The following ATXN2 variants were observed in gnomAD, a reference collection of about 807,000 sequenced individuals.
ATXN2 encodes ataxin-2.
A neutral mutation model predicts 138.6 loss-of-function variants in ATXN2; 37 were observed. The ratio of observed to expected loss-of-function variants is 0.27; its 90% CI spans 0.21 to 0.35. The LOEUF is 0.35. Among genes scored for constraint, ATXN2 ranks in the 10% least tolerant of loss-of-function variants. The pLI is 1.00. For synonymous variants in ATXN2, 549 were observed against 543.7 expected (o/e 1.01, Z -0.13); for missense variants, 1,216 against 1,480.3 (o/e 0.82, Z 2.93).
chr12:111,494,521 G>C (rs996457405), intron 14 of ATXN2, among the ~76,000 whole-genome samples: 1 of 151,562 alleles, frequency 6.6e-6, no homozygotes, highest in African/African-American at 2.4e-5. Flanking sequence ...TGCCTCCTGG[G>C]TTCAAGCAAT....
rs1190797776 is a variant in ATXN2 at position 111,520,903 on chromosome 12, T to C, written c.767A>G (p.Asp256Gly). Residue 256 changes from aspartate to glycine, a missense_variant, in exon 7 of 25, where the codon GAT becomes GGT. Around this residue, in one of 4 missense-constraint regions of ATXN2, gnomAD observed 401 missense variants for 528.1 expected, o/e 0.76. Coordinates refer to ENST00000673436, the MANE Select transcript of ATXN2 (RefSeq NM_001372574.1). Reference protein sequence around the residue: ...EENYGVVSTYDSSLSSYTVPL... With the variant: ...EENYGVVSTYGSSLSSYTVPL... ...TTACGTATACGAAGATAAACTGCTA[T>C]CATACGTAGACACTACACCATAATT... The C allele has an allele frequency of 6.3e-7, 1 of 1,588,964 alleles. No individual in the cohort carries two copies. The highest frequency in any genetic ancestry group is 8.6e-7 in the Non-Finnish European group (1 of 1,165,648).
intron 5 of ATXN2, among the ~76,000 whole-genome samples, chr12:111,534,342 G>A (rs1018753623): frequency 3.3e-5 from 5 of 151,706 alleles, no homozygotes; most frequent in African/African-American, 4.8e-5. Context: ...AGGAGGTTGC[G>A]GTGAGCCAAG....
intron 2 of ATXN2, among the ~76,000 whole-genome samples, chr12:111,555,332 GT>G (rs1341410725): frequency 1.3e-5 from 2 of 152,072 alleles, no homozygotes; most frequent in East Asian, 3.9e-4. Flanking sequence ...AAATGATATG[GT>G]TTGGTTCTGT....
At chr12:111,466,118 A>G (rs965915976) in intron 20 of ATXN2, among the ~76,000 whole-genome samples, 1 of 151,398 alleles carries the variant, frequency 6.6e-6, no homozygotes, top group African/African-American at 2.4e-5. Context: ...GGGAGCTGAG[A>G]TCGCGCCACT....
At chr12:111,479,219 T>C (rs1877037189) in intron 18 of ATXN2, 3 of 286,234 alleles carry the variant, frequency 1.0e-5, no homozygotes, top group African/African-American at 2.2e-5. Flanking sequence ...GTAAATTAAC[T>C]GTGGTATAAT....
At chr12:111,534,003 TAAGAGAAAAAAA>T (rs1253230347) in intron 5 of ATXN2, among the ~76,000 whole-genome samples, 3 of 151,314 alleles carry the variant, frequency 2.0e-5, no homozygotes, top group Non-Finnish European at 4.4e-5. Flanking sequence ...CATGCCTATG[TAAGAGAAAAAAA>T]AACAGTTATT....
chr12:111,554,255 G>A (rs758820660), intron 2 of ATXN2, 38 bp from the exon 3 acceptor site: 5 of 1,276,014 alleles, frequency 3.9e-6, no homozygotes, highest in Non-Finnish European at 5.2e-6. Flanking sequence ...TTAGAAATTA[G>A]TACAAACTGA....
At chr12:111,566,682 G>A (rs904289852) in intron 1 of ATXN2, among the ~76,000 whole-genome samples, 2 of 150,856 alleles carry the variant, frequency 1.3e-5, no homozygotes, top group African/African-American at 4.9e-5. Context: ...TGTTGCCCAG[G>A]CTGGAGTGCA....
chr12:111,596,027 G>A (rs1039727915), intron 1 of ATXN2, among the ~76,000 whole-genome samples: 4 of 152,032 alleles, frequency 2.6e-5, no homozygotes, highest in African/African-American at 4.8e-5. Flanking sequence ...GCAAAATCCC[G>A]TCCTCACTAA....
At chr12:111,512,975 G>C in intron 11 of ATXN2, 1 of 171,846 alleles carries the variant, frequency 5.8e-6, no homozygotes, top group Non-Finnish European at 1.2e-5. Flanking sequence ...AAGGAAATAC[G>C]GTCCCTCCAA....
intron 8 of ATXN2, 45 bp from the exon 9 acceptor site, chr12:111,518,472 C>T (rs188956462): frequency 3.3e-6 from 5 of 1,535,086 alleles, no homozygotes; most frequent in Middle Eastern, 1.7e-4. Context: ...TAAAAGGTAC[C>T]AAGCCAATGA....
At chr12:111,497,647 C>T (rs145580348) in intron 14 of ATXN2, among the ~76,000 whole-genome samples, 9 of 151,200 alleles carry the variant, frequency 6.0e-5, no homozygotes, top group African/African-American at 2.2e-4. Context: ...ATTATTTATA[C>T]TGTGTATGAT....
chr12:111,498,810 A>G (rs1878583339), intron 14 of ATXN2, among the ~76,000 whole-genome samples: 1 of 152,168 alleles, frequency 6.6e-6, no homozygotes, highest in African/African-American at 2.4e-5. Context: ...CTGACTTCAA[A>G]TTATTGTAAC....
intron 18 of ATXN2, 176 bp downstream of exon 18, chr12:111,485,089 C>T: frequency 1.8e-6 from 1 of 559,102 alleles, no homozygotes; most frequent in Non-Finnish European, 3.2e-6. Flanking sequence ...TTTTTCTCCC[C>T]TGTTTTTCTT....
intron 1 of ATXN2, among the ~76,000 whole-genome samples, chr12:111,575,699 A>G (rs1178990403): frequency 1.3e-5 from 2 of 152,202 alleles, no homozygotes; most frequent in African/African-American, 4.8e-5. Flanking sequence ...AGGTACTCCA[A>G]AAATAAAAAA....
At chr12:111,510,330 C>T in intron 12 of ATXN2, 55 bp downstream of exon 12, 1 of 1,556,730 alleles carries the variant, frequency 6.4e-7, no homozygotes, top group East Asian at 2.2e-5. Context: ...ATATCACCCT[C>T]TAACATTCAA....
chr12:111,573,447 C>T (rs1485973359), intron 1 of ATXN2, among the ~76,000 whole-genome samples: 6 of 152,188 alleles, frequency 3.9e-5, no homozygotes, highest in Non-Finnish European at 5.9e-5. Flanking sequence ...CCACACGCCT[C>T]GGCCTCCCAA....
chr12:111,573,305 T>G (rs1883446851), intron 1 of ATXN2, among the ~76,000 whole-genome samples: 1 of 152,126 alleles, frequency 6.6e-6, no homozygotes, highest in Admixed American at 6.6e-5. Context: ...CGATTCTCCT[T>G]GCCTCAGCCT....
chr12:111,560,716 CAG>C (rs1360766271), intron 1 of ATXN2, among the ~76,000 whole-genome samples: 1 of 150,296 alleles, frequency 6.7e-6, no homozygotes, highest in Admixed American at 6.6e-5. Context: ...ATGAGGTATC[CAG>C]AGTTACTACA....
Sources: gnomAD v4.1 joint callset for allele counts (sites outside exome capture counted in the v4.1 genomes callset) on GRCh38, gnomAD v4.1.1 for gene constraint, gnomAD v4.1.1 regional missense constraint, MANE v1.5 for transcripts, NCBI Gene and HGNC (gene_info 2026-07-23, HGNC 2026-07-21) for gene names.